The following TSHZ2 variants were observed in gnomAD, a reference collection of about 807,000 sequenced individuals.
The protein encoded by TSHZ2 is teashirt zinc finger homeobox 2, also known as teashirt homolog 2.
A neutral mutation model predicts 74.4 loss-of-function variants in TSHZ2; 21 were observed. The observed-to-expected ratio is 0.28, with a 90% CI of 0.20 to 0.41. The LOEUF is 0.41. Among genes scored for constraint, TSHZ2 ranks in the 10% least tolerant of loss-of-function variants. The probability of loss-of-function intolerance (pLI) is 1.00; values close to 1 mark genes in which losing one functional copy is unlikely to be tolerated. For synonymous variants in TSHZ2, 540 were observed against 515.3 expected, an observed-to-expected ratio of 1.05 and a Z score of -0.65; for missense variants, 1,244 against 1,293.5, an observed-to-expected ratio of 0.96 and a Z score of 0.59.
Position 53,253,470 on chromosome 20 carries a change from T to C in TSHZ2, c.41-29T>C, listed in dbSNP as rs751363927. The C allele has an allele frequency of 7.0e-6, 11 of 1,561,652 alleles. No homozygotes were observed. In the South Asian group the frequency reaches 1.1e-4, roughly 16 times the overall value. On this transcript the variant is annotated intron_variant, in intron 1 of 2. Coordinates refer to ENST00000371497, the MANE Select transcript of TSHZ2 (RefSeq NM_173485.6). The stretch of plus-strand genomic sequence containing the variant: ...GAATGGAATATGGAGCCTGTTACTG[T>C]CGTTTCATCTCTTCTTCTTCTCTTG...
At chr20:53,199,872 G>A (rs924308088) in intron 1 of TSHZ2, among the ~76,000 whole-genome samples, 1 of 152,230 alleles carries the variant, frequency 6.6e-6, no homozygotes, top group African/African-American at 2.4e-5. Flanking sequence ...AAGTGGGGAT[G>A]TGCAGTGGTT....
chr20:53,033,375 G>A (rs551182440), intron 1 of TSHZ2, among the ~76,000 whole-genome samples: 139 of 152,264 alleles, frequency 9.1e-4, no homozygotes, highest in Admixed American at 1.7e-3. Context: ...GTCAATGTGT[G>A]ATGTGAAAAG....
chr20:53,164,647 TGCCC>T (rs1988024741), intron 1 of TSHZ2, among the ~76,000 whole-genome samples: 1 of 152,212 alleles, frequency 6.6e-6, no homozygotes, highest in Non-Finnish European at 1.5e-5. Context: ...TTATTTTAAA[TGCCC>T]ACATGGAGTT....
At chr20:53,420,624 TACTGGG>T (rs1176379371) in intron 2 of TSHZ2, among the ~76,000 whole-genome samples, 1 of 152,032 alleles carries the variant, frequency 6.6e-6, no homozygotes, top group Non-Finnish European at 1.5e-5. Flanking sequence ...TACTTGGGAC[TACTGGG>T]AGTAGTAGTC....
intron 1 of TSHZ2, among the ~76,000 whole-genome samples, chr20:53,142,325 G>T (rs530898360): frequency 2.6e-5 from 4 of 152,148 alleles, no homozygotes; most frequent in Admixed American, 2.0e-4. Context: ...CAGGGCTTCC[G>T]GTTCAGACCG....
chr20:53,214,671 C>A (rs1989393376), intron 1 of TSHZ2, among the ~76,000 whole-genome samples: 1 of 152,084 alleles, frequency 6.6e-6, no homozygotes, highest in Non-Finnish European at 1.5e-5. Context: ...AGAGATCATG[C>A]CACTGCATTG....
At chr20:53,318,324 G>A (rs939314166) in intron 2 of TSHZ2, among the ~76,000 whole-genome samples, 13 of 152,160 alleles carry the variant, frequency 8.5e-5, no homozygotes, top group African/African-American at 2.9e-4. Flanking sequence ...ATACAGCTAA[G>A]GCTCCCCATA....
At chr20:53,354,820 G>C (rs949913717) in intron 2 of TSHZ2, among the ~76,000 whole-genome samples, 2 of 152,160 alleles carry the variant, frequency 1.3e-5, no homozygotes, top group African/African-American at 4.8e-5. Flanking sequence ...TTAATTGTAA[G>C]TTATTTCCCC....
chr20:53,112,112 G>A (rs989883616), intron 1 of TSHZ2, among the ~76,000 whole-genome samples: 9 of 152,182 alleles, frequency 5.9e-5, no homozygotes, highest in Non-Finnish European at 1.2e-4. Context: ...CCAGGTAATA[G>A]GAGCAAGACA....
intron 2 of TSHZ2, among the ~76,000 whole-genome samples, chr20:53,367,275 G>A (rs972254547): frequency 2.6e-5 from 4 of 151,194 alleles, no homozygotes; most frequent in Non-Finnish European, 5.9e-5. Context: ...ATGGTGGCTC[G>A]TGCCTGTAAT....
At chr20:53,132,939 C>T (rs1202353894) in intron 1 of TSHZ2, among the ~76,000 whole-genome samples, 1 of 152,094 alleles carries the variant, frequency 6.6e-6, no homozygotes, top group East Asian at 1.9e-4. Flanking sequence ...CTCTCTTATT[C>T]TCTTTCTACC....
intron 2 of TSHZ2, among the ~76,000 whole-genome samples, chr20:53,458,159 G>A (rs1331196082): frequency 4.3e-4 from 65 of 150,278 alleles, no homozygotes; most frequent in African/African-American, 1.4e-3. Context: ...TGTACCTCTG[G>A]TAGAATTCGG....
At chr20:53,018,230 A>T (rs953557367) in intron 1 of TSHZ2, among the ~76,000 whole-genome samples, 1 of 152,102 alleles carries the variant, frequency 6.6e-6, no homozygotes, top group African/African-American at 2.4e-5. Flanking sequence ...AGAGTTATAA[A>T]CTTCCTCATT....
At chr20:53,271,490 G>A (rs967723198) in intron 2 of TSHZ2, among the ~76,000 whole-genome samples, 1 of 152,204 alleles carries the variant, frequency 6.6e-6, no homozygotes, top group Admixed American at 6.5e-5. Context: ...TGGGTGAACA[G>A]GTCTAACAGC....
At chr20:53,099,678 C>T (rs368071283) in intron 1 of TSHZ2, among the ~76,000 whole-genome samples, 14 of 152,124 alleles carry the variant, frequency 9.2e-5, no homozygotes, top group South Asian at 4.1e-4. Context: ...ACATGGCAGC[C>T]GGCAAGAAAG....
chr20:53,101,600 T>A (rs1185364168), intron 1 of TSHZ2, among the ~76,000 whole-genome samples: 1 of 152,256 alleles, frequency 6.6e-6, no homozygotes, highest in African/African-American at 2.4e-5. Context: ...CAGCCCCCAC[T>A]CCTCCTGGGT....
chr20:53,189,653 C>T (rs948258228), intron 1 of TSHZ2, among the ~76,000 whole-genome samples: 1 of 152,142 alleles, frequency 6.6e-6, no homozygotes, highest in African/African-American at 2.4e-5. Context: ...GCCACGTGAG[C>T]AGAGATGCTG....
In TSHZ2 at chr20:53,475,934, A is replaced by G. The variant is rs1223778292; in HGVS notation, c.*9-11210A>G. ...AAGAAATGGATAAATTCCTCGACAC[A>G]TACACTCTCCCAAGACTAAACCAGG... On this transcript the variant is annotated intron_variant, in intron 2 of 2. Coordinates refer to ENST00000371497, the MANE Select transcript of TSHZ2 (RefSeq NM_173485.6). Among the ~76,000 whole-genome samples, 22 of 122,902 alleles carry G rather than the reference A, an allele frequency of 1.8e-4. 1 individual carries two copies. The highest frequency in any genetic ancestry group is 8.1e-5 in the Admixed American group (1 of 12,326). The allele number at this position is 122,902 out of a possible 152,430, so 80.6% of individuals were successfully genotyped here. A position where few individuals can be genotyped will look rare whatever the true frequency, so the allele number is the denominator to read the frequency against.
intron 1 of TSHZ2, among the ~76,000 whole-genome samples, chr20:53,209,447 G>C (rs1989249427): frequency 6.6e-6 from 1 of 152,218 alleles, no homozygotes. Context: ...GCAGTGCAGA[G>C]GGACTCATGG....
Sources: gnomAD v4.1 joint callset for allele counts (sites outside exome capture counted in the v4.1 genomes callset) on GRCh38, gnomAD v4.1.1 for gene constraint, MANE v1.5 for transcripts, NCBI Gene and HGNC (gene_info 2026-07-23, HGNC 2026-07-21) for gene names.